The following NOTCH2NLR variants were observed in gnomAD, a reference collection of about 807,000 sequenced individuals.
The protein encoded by NOTCH2NLR is notch 2 N-terminal like R (pseudogene).
In NOTCH2NLR, 33 loss-of-function variants were observed where a neutral mutation model predicts 35.6. That is an observed-to-expected ratio of 0.93 (90% CI 0.70 to 1.24). NOTCH2NLR has a LOEUF of 1.24. Ranked by LOEUF, NOTCH2NLR falls within the 50% of genes most tolerant of loss-of-function variation. The pLI is 0.00. For synonymous variants in NOTCH2NLR, 103 were observed against 141.0 expected (o/e 0.73, Z 1.91); for missense variants, 276 against 362.2 (o/e 0.76, Z 1.93).
intron 2 of NOTCH2NLR, among the ~76,000 whole-genome samples, chr1:120,770,924 G>T (rs1174361378): frequency 8.9e-6 from 1 of 111,894 alleles, no homozygotes; most frequent in Non-Finnish European, 1.7e-5. Context: ...GTAGCATTAG[G>T]TAGGCCTGAG....
Position 120,793,386 on chromosome 1 carries a change from C to G in NOTCH2NLR, c.641C>G (p.Thr214Arg), listed in dbSNP as rs1254220773. The change falls in exon 4 of 5, where the codon ACA becomes AGA. Residue 214 changes from threonine to arginine, a missense_variant. Coordinates refer to ENST00000624419, the Ensembl canonical transcript of NOTCH2NLR. ...CAGTGCCAGTGCCTTCAGGGCTTCA[C>G]AGGCCAGTACTGTGACAGACTGTAT... The G allele has an allele frequency of 9.0e-6, 13 of 1,437,306 alleles. 3 individuals are homozygous for G. Among genetic ancestry groups the G allele is most frequent in the Non-Finnish European group, 1.2e-5 (13 of 1,075,140 alleles). 89.0% of individuals were successfully genotyped at this position (1,437,306 alleles called of 1,614,324 possible). A position where few individuals can be genotyped will look rare whatever the true frequency, so the allele number is the denominator to read the frequency against.
Position 120,765,836 on chromosome 1 carries a change from T to C in NOTCH2NLR, c.155+2127T>C, listed in dbSNP as rs1264884832. Among the ~76,000 whole-genome samples the C allele has an allele frequency of 7.2e-5, 9 of 124,722 alleles. 2 individuals are homozygous for C. The highest frequency in any genetic ancestry group is 1.3e-4 in the Non-Finnish European group (8 of 60,554). 81.8% of individuals were successfully genotyped at this position (124,722 alleles called of 152,430 possible). A position where few individuals can be genotyped will look rare whatever the true frequency, so the allele number is the denominator to read the frequency against. ...TGAGTTCATGTCCTTTGCAGGGACA[T>C]GGATGAAGCTGGAAGCCATCATTCT... On this transcript the variant is annotated intron_variant, in intron 2 of 4. Transcript: ENST00000624419.
At chr1:120,727,016 A>C (rs1285563998) in intron 1 of NOTCH2NLR, among the ~76,000 whole-genome samples, 1 of 112,886 alleles carries the variant, frequency 8.9e-6, no homozygotes, top group Non-Finnish European at 1.7e-5. Flanking sequence ...CTTACAATAC[A>C]TCTTAAAAAT....
intron 3 of NOTCH2NLR, 127 bp from the exon 4 acceptor site, chr1:120,793,034 C>A: frequency 1.8e-6 from 1 of 558,286 alleles, no homozygotes; most frequent in Non-Finnish European, 3.0e-6. Context: ...TCTGATTTAG[C>A]CTTTTGTAAA....
chr1:120,780,162 C>A (rs1651347445), intron 2 of NOTCH2NLR, among the ~76,000 whole-genome samples: 1 of 113,278 alleles, frequency 8.8e-6, no homozygotes, highest in African/African-American at 4.8e-5. Flanking sequence ...ATTCAGGGAA[C>A]CTACACCAAG....
At position 120,769,586 on chromosome 1, in the gene NOTCH2NLR, G is replaced by A. The variant is rs1188216724; in HGVS notation, c.155+5877G>A. Among the ~76,000 whole-genome samples, 2 of 121,506 alleles carry A rather than the reference G, an allele frequency of 1.6e-5. 1 individual carries two copies. The highest frequency in any genetic ancestry group is 8.4e-5 in the African/African-American group (2 of 23,860). The allele number at this position is 121,506 out of a possible 152,430, so 79.7% of individuals were successfully genotyped here. A position where few individuals can be genotyped will look rare whatever the true frequency, so the allele number is the denominator to read the frequency against. On this transcript the variant is annotated intron_variant, in intron 2 of 4. Transcript: ENST00000624419. Reference sequence around the variant, plus strand: ...TAAAACAAAGAATGCTGTTTTTTTGGCTCATTAAATACCTCTCATAGAGTA... The same window carrying A: ...TAAAACAAAGAATGCTGTTTTTTTGACTCATTAAATACCTCTCATAGAGTA...
In NOTCH2NLR at chr1:120,780,107, G is replaced by A. The variant is rs1419126734; in HGVS notation, c.156-4867G>A. Among the ~76,000 whole-genome samples, 9 of 123,428 alleles carry A rather than the reference G, an allele frequency of 7.3e-5. 2 individuals carry two copies. Among genetic ancestry groups the A allele is most frequent in the Non-Finnish European group, 8.2e-5 (5 of 61,346 alleles). 81.0% of individuals were successfully genotyped at this position (123,428 alleles called of 152,430 possible). On this transcript the variant is annotated intron_variant, in intron 2 of 4. Coordinates refer to ENST00000624419, the Ensembl canonical transcript of NOTCH2NLR. ...GACTTTATCCATCACATGAAATTTA[G>A]CCTGCTATGGAACCAGCTGCTTAGT...
At chr1:120,770,872 T>G (rs1331313845) in intron 2 of NOTCH2NLR, among the ~76,000 whole-genome samples, 1 of 116,672 alleles carries the variant, frequency 8.6e-6, no homozygotes. Flanking sequence ...ATCAGGAATA[T>G]GATTAAAACA....
rs1198044125 is a variant in NOTCH2NLR, at chr1:120,763,678, G to A, written c.124G>A (p.Val42Ile). The change falls in exon 2 of 5, where the codon GTT becomes ATT. Residue 42 changes from valine to isoleucine, a missense_variant. By Grantham distance (29) the Val-to-Ile change is conservative. Transcript: ENST00000624419. ...ACCCTGTGTAAATAAAGGAATGTGT[G>A]TTACCTACCACAGTGGCACAGGATA... The A allele has an allele frequency of 5.0e-5, 71 of 1,415,422 alleles. 14 individuals carry two copies. The East Asian group carries it at 1.5e-3, about 30-fold the overall frequency. 87.7% of individuals were successfully genotyped at this position (1,415,422 alleles called of 1,614,324 possible).
Position 120,790,205 on chromosome 1 carries a change from G to T in NOTCH2NLR, c.416-2956G>T, listed in dbSNP as rs1489561472. ...TAATTTTTGTATTTTTAGTAGAGAT[G>T]GGCTTTCACCTTGTTAGCCAGAATG... On this transcript the variant is annotated intron_variant, in intron 3 of 4. Coordinates refer to ENST00000624419, the Ensembl canonical transcript of NOTCH2NLR. Among the ~76,000 whole-genome samples the T allele has an allele frequency of 1.8e-3, 184 of 103,594 alleles. 28 individuals carry two copies. In the South Asian group the frequency reaches 0.05, roughly 28 times the overall value. The allele number at this position is 103,594 out of a possible 152,430, so 68.0% of individuals were successfully genotyped here.
At chr1:120,777,806 G>A (rs1460060420) in intron 2 of NOTCH2NLR, among the ~76,000 whole-genome samples, 2 of 108,730 alleles carry the variant, frequency 1.8e-5, no homozygotes, top group East Asian at 4.7e-4. Context: ...TTGGTAATTA[G>A]CATAACCTAG....
rs1157014994 is a variant in NOTCH2NLR, at chr1:120,777,677, G to T, written c.156-7297G>T. 6.0e-5 allele frequency among the ~76,000 whole-genome samples: 4 copies of T among 67,210 alleles called. No homozygotes were observed. In the East Asian group the frequency reaches 1.5e-3, roughly 24 times the overall value. The allele number at this position is 67,210 out of a possible 152,430, so 44.1% of individuals were successfully genotyped here. On this transcript the variant is annotated intron_variant, in intron 2 of 4. Coordinates refer to ENST00000624419, the Ensembl canonical transcript of NOTCH2NLR. ...TTTCTTTCTTTTTTTTTTGAGAGAA[G>T]GGGGGGTTGAGAGTAGAGTGGGAAT...
At chr1:120,730,623 G>A (rs1179760376) in intron 1 of NOTCH2NLR, among the ~76,000 whole-genome samples, 6 of 115,112 alleles carry the variant, frequency 5.2e-5, no homozygotes, top group Admixed American at 8.3e-5. Flanking sequence ...TATTATCTGT[G>A]TGGCAGAACA....
At position 120,737,673 on chromosome 1, in the gene NOTCH2NLR, C is replaced by T. The variant is rs1650920351; in HGVS notation, c.73+13423C>T. Among the ~76,000 whole-genome samples the T allele has an allele frequency of 1.7e-5, 2 of 116,926 alleles. 1 individual carries two copies. Among genetic ancestry groups the T allele is most frequent in the Non-Finnish European group, 3.4e-5 (2 of 59,558 alleles). 76.7% of individuals were successfully genotyped at this position (116,926 alleles called of 152,430 possible). On this transcript the variant is annotated intron_variant, in intron 1 of 4. Transcript: ENST00000624419. The stretch of plus-strand genomic sequence containing the variant: ...AAAATAATTTGCCTGTGAACCTCTG[C>T]CTGTCCCTTTGGACTTCTTTGTACT...
chr1:120,761,342 G>C (rs1651134952), intron 1 of NOTCH2NLR, among the ~76,000 whole-genome samples: 1 of 113,580 alleles, frequency 8.8e-6, no homozygotes. Flanking sequence ...GGAGGGAGCT[G>C]TTGCTGGTGG....
At position 120,755,933 on chromosome 1, in the gene NOTCH2NLR, C is replaced by CT. The variant is rs1168463033; in HGVS notation, c.74-7673dup. On this transcript the variant is annotated intron_variant, in intron 1 of 4. Coordinates refer to ENST00000624419, the Ensembl canonical transcript of NOTCH2NLR. ...AACAAAATCGATTTATCTCTTATTG[C>CT]TTTTTTTTTTTTTTTTTTTTTTCCT... Among the ~76,000 whole-genome samples the CT allele has an allele frequency of 4.7e-3, 406 of 87,294 alleles. 40 individuals carry two copies. Among genetic ancestry groups the CT allele is most frequent in the South Asian group, 6.4e-3 (18 of 2,810 alleles). 57.3% of individuals were successfully genotyped at this position (87,294 alleles called of 152,430 possible). A position where few individuals can be genotyped will look rare whatever the true frequency, so the allele number is the denominator to read the frequency against.
At chr1:120,759,898 G>A (rs1351053724) in intron 1 of NOTCH2NLR, among the ~76,000 whole-genome samples, 1 of 105,538 alleles carries the variant, frequency 9.5e-6, no homozygotes, top group Non-Finnish European at 1.7e-5. Flanking sequence ...ACCACTCTAT[G>A]CAATATATCT....
exon 4 of NOTCH2NLR, chr1:120,793,441 T>C (rs1651517443): frequency 6.9e-7 from 1 of 1,441,368 alleles, no homozygotes; most frequent in Admixed American, 2.0e-5. Context: ...CTTGTGTCAA[T>C]GGAGGCACCT....
chr1:120,724,339 G>A lies in NOTCH2NLR; in HGVS notation c.73+89G>A, dbSNP rs1462806759. 1.5e-6 allele frequency: 2 copies of A among 1,357,728 alleles called. 1 individual carries two copies. Among genetic ancestry groups the A allele is most frequent in the Non-Finnish European group, 1.9e-6 (2 of 1,042,430 alleles). The allele number at this position is 1,357,728 out of a possible 1,614,324, so 84.1% of individuals were successfully genotyped here. Reference sequence around the variant, plus strand: ...TCCCCCTCAGTCCTTCTCTGTGTGGGAAGGCCAGGCTCGGCCGCCGGCGCG... The same window carrying A: ...TCCCCCTCAGTCCTTCTCTGTGTGGAAAGGCCAGGCTCGGCCGCCGGCGCG... On this transcript the variant is annotated intron_variant, in intron 1 of 4. Coordinates refer to ENST00000624419, the Ensembl canonical transcript of NOTCH2NLR.
Sources: allele counts gnomAD v4.1 joint callset (sites outside exome capture counted in the v4.1 genomes callset), GRCh38; gene constraint gnomAD v4.1.1; transcripts MANE v1.5; gene names NCBI Gene and HGNC (gene_info 2026-07-23, HGNC 2026-07-21).